OSBP2: variants seen among roughly 807,000 people sequenced by gnomAD.
The protein encoded by OSBP2 is oxysterol-binding protein 2.
OSBP2 carries 66 observed loss-of-function variants against 96.0 expected under a neutral mutation model. The ratio of observed to expected loss-of-function variants is 0.69; its 90% CI spans 0.56 to 0.84. OSBP2 has a LOEUF of 0.84. OSBP2 is among the 40% of genes least tolerant of loss of function. The pLI, the probability that OSBP2 is intolerant of heterozygous loss-of-function variation, is 0.00. For missense variants in OSBP2, 1,038 were observed against 1,222.7 expected (o/e 0.85, Z 2.25); for synonymous variants, 525 against 520.9 (o/e 1.01, Z -0.11).
At chr22:30,889,443 C>A (rs773559948) in intron 6 of OSBP2, 47 bp from the exon 7 acceptor site, 1 of 1,607,546 alleles carries the variant, frequency 6.2e-7, no homozygotes. Context: ...GCCAAGGGGG[C>A]GCTCTGGCCT....
At chr22:30,905,717 G>A (rs1053922033) in intron 12 of OSBP2, 120 bp from the exon 13 acceptor site, 5 of 1,419,896 alleles carry the variant, frequency 3.5e-6, no homozygotes, top group Non-Finnish European at 4.7e-6. Context: ...AGTCCTGGAC[G>A]CGGGGAGCTG....
intron 2 of OSBP2, among the ~76,000 whole-genome samples, chr22:30,786,018 TTGTGTGTGTGTGTG>T (rs59686538): frequency 6.7e-6 from 1 of 149,000 alleles, no homozygotes; most frequent in Non-Finnish European, 1.5e-5. Context: ...CTAATACAGT[TTGTGTGTGTGTGTG>T]TGTGTGTGTG....
intron 1 of OSBP2, among the ~76,000 whole-genome samples, chr22:30,714,204 T>C (rs182160966): frequency 3.9e-4 from 60 of 152,348 alleles, no homozygotes; most frequent in African/African-American, 1.4e-3. Flanking sequence ...CATAATGTTC[T>C]CTGGGCTCAT....
chr22:30,883,468 C>T (rs2039742948), intron 3 of OSBP2, among the ~76,000 whole-genome samples: 1 of 152,212 alleles, frequency 6.6e-6, no homozygotes, highest in Admixed American at 6.5e-5. Context: ...CCTGCATGGG[C>T]CAGGGTCAGC....
chr22:30,859,887 G>A (rs925302604), intron 2 of OSBP2, among the ~76,000 whole-genome samples: 25 of 152,152 alleles, frequency 1.6e-4, no homozygotes, highest in African/African-American at 5.6e-4. Context: ...AGGCAGCACG[G>A]AGCACTGGAG....
intron 2 of OSBP2, among the ~76,000 whole-genome samples, chr22:30,823,259 A>G (rs2038323757): frequency 6.6e-6 from 1 of 152,224 alleles, no homozygotes; most frequent in African/African-American, 2.4e-5. Flanking sequence ...CACAAGCCCA[A>G]GGGCCCTTCC....
intron 2 of OSBP2, among the ~76,000 whole-genome samples, chr22:30,789,181 C>G (rs1334226266): frequency 6.6e-6 from 1 of 152,158 alleles, no homozygotes; most frequent in African/African-American, 2.4e-5. Context: ...GCTCCTGGTG[C>G]TGAGTGGTGA....
intron 1 of OSBP2, among the ~76,000 whole-genome samples, chr22:30,708,639 C>T (rs138717689): frequency 0.029 from 4,335 of 151,032 alleles, 91 homozygotes; most frequent in Non-Finnish European, 0.042. Context: ...CAGGCGCCCA[C>T]CATCATGCCC....
At chr22:30,774,960 G>A (rs767781450) in intron 2 of OSBP2, among the ~76,000 whole-genome samples, 38 of 152,046 alleles carry the variant, frequency 2.5e-4, no homozygotes, top group Admixed American at 5.9e-4. Context: ...TATGGTCCCC[G>A]TTCTCATCAC....
intron 1 of OSBP2, among the ~76,000 whole-genome samples, chr22:30,715,930 G>T (rs1481663637): frequency 6.7e-6 from 1 of 148,208 alleles, no homozygotes; most frequent in Non-Finnish European, 1.5e-5. Context: ...GGGCTCAAGT[G>T]ATCCTCCCAC....
chr22:30,727,177 C>T (rs909701351), intron 1 of OSBP2, among the ~76,000 whole-genome samples: 1 of 152,164 alleles, frequency 6.6e-6, no homozygotes, highest in Admixed American at 6.6e-5. Context: ...AAGGTAAGTC[C>T]TCAGGATGTG....
rs896172406 is a variant in OSBP2, at chr22:30,893,672, A to C, written c.2129A>C (p.Asn710Thr). 2.5e-6 allele frequency: 4 copies of C among 1,614,156 alleles called. No individual in the cohort carries two copies. Among genetic ancestry groups the C allele is most frequent in the Non-Finnish European group, 3.4e-6 (4 of 1,180,018 alleles). Residue 710 changes from asparagine to threonine, a missense_variant, in exon 11 of 14, where the codon AAT (asparagine) becomes ACT (threonine). Around this residue, in one of 3 missense-constraint regions of OSBP2, gnomAD observed 737 missense variants for 913.3 expected, o/e 0.81. Coordinates refer to ENST00000332585, the MANE Select transcript of OSBP2 (RefSeq NM_030758.4). ...GDIEIVNHKT[N>T]DRCQLKFLPY... is the part of the protein sequence containing the mutation. Reference sequence around the variant, plus strand: ...ATCGAGATTGTGAACCATAAGACCAATGACCGGTGCCAGCTGAAGTTCCTG... The same window carrying C: ...ATCGAGATTGTGAACCATAAGACCACTGACCGGTGCCAGCTGAAGTTCCTG...
At chr22:30,810,745 GAT>G (rs1420490162) in intron 2 of OSBP2, among the ~76,000 whole-genome samples, 3 of 152,202 alleles carry the variant, frequency 2.0e-5, no homozygotes, top group African/African-American at 4.8e-5. Flanking sequence ...TGCGCCAAAT[GAT>G]CCAGCCCCTC....
chr22:30,847,835 T>C (rs886110439), intron 2 of OSBP2, among the ~76,000 whole-genome samples: 1 of 152,220 alleles, frequency 6.6e-6, no homozygotes, highest in African/African-American at 2.4e-5. Flanking sequence ...CCCTCTTTCA[T>C]TGCTGATATT....
intron 2 of OSBP2, among the ~76,000 whole-genome samples, chr22:30,790,707 T>C (rs910491577): frequency 6.6e-6 from 1 of 151,964 alleles, no homozygotes; most frequent in African/African-American, 2.4e-5. Context: ...GAAATTTTTT[T>C]GATATGTGGT....
chr22:30,706,971 G>A (rs1434787978), intron 1 of OSBP2, among the ~76,000 whole-genome samples: 11 of 152,038 alleles, frequency 7.2e-5, no homozygotes, highest in Non-Finnish European at 1.6e-4. Flanking sequence ...CTGGGTATTC[G>A]TCCTTCTCTC....
chr22:30,802,310 C>G (rs1049604183), intron 2 of OSBP2, among the ~76,000 whole-genome samples: 5 of 152,202 alleles, frequency 3.3e-5, no homozygotes, highest in Admixed American at 3.3e-4. Flanking sequence ...CTAGCAGTCC[C>G]GTCTGTTGGT....
At chr22:30,872,545 C>T (rs911998969) in intron 3 of OSBP2, 1 of 363,360 alleles carries the variant, frequency 2.8e-6, no homozygotes, top group Non-Finnish European at 5.4e-6. Context: ...TGGGGTTGGT[C>T]ACGATTCCTT....
At chr22:30,779,626 C>G (rs1160597812) in intron 2 of OSBP2, among the ~76,000 whole-genome samples, 1 of 152,172 alleles carries the variant, frequency 6.6e-6, no homozygotes, top group African/African-American at 2.4e-5. Context: ...GATACACTTG[C>G]AGCTGCAGGA....
Sources: allele counts gnomAD v4.1 joint callset (sites outside exome capture counted in the v4.1 genomes callset), GRCh38; gene constraint gnomAD v4.1.1; regional missense constraint gnomAD v4.1.1; transcripts MANE v1.5; gene names NCBI Gene and HGNC (gene_info 2026-07-23, HGNC 2026-07-21).